The following ASB15 variants were observed in gnomAD, a reference collection of about 807,000 sequenced individuals.
The protein encoded by ASB15 is ankyrin repeat and SOCS box protein 15.
Under a neutral mutation model 58.0 loss-of-function variants are expected in ASB15, and 54 were observed. That is an observed-to-expected ratio of 0.93 (90% confidence interval 0.75 to 1.17). The LOEUF (loss-of-function observed/expected upper bound fraction) is 1.17. ASB15 is among the 50% of genes most tolerant of loss of function. The pLI, the probability that ASB15 is intolerant of heterozygous loss-of-function variation, is 0.00. For missense variants in ASB15, 680 were observed against 707.4 expected (o/e 0.96, Z 0.44); for synonymous variants, 249 against 262.4 (o/e 0.95, Z 0.50).
intron 8 of ASB15, among the ~76,000 whole-genome samples, chr7:123,625,873 C>G (rs1801737689): frequency 6.6e-6 from 1 of 152,082 alleles, no homozygotes; most frequent in Non-Finnish European, 1.5e-5. Context: ...TTGAGGTGTC[C>G]CAATACAACC....
At chr7:123,620,548 ATATATAT>A (rs1562933358) in intron 7 of ASB15, among the ~76,000 whole-genome samples, 4 of 19,666 alleles carry the variant, frequency 2.0e-4, no homozygotes, top group East Asian at 2.1e-3. Flanking sequence ...ATATATATAT[ATATATAT>A]TTTTTTTTTT....
At position 123,606,368 on chromosome 7, in the gene ASB15, G is replaced by T. The variant is rs558405412; in HGVS notation, c.-64+2156G>T. 2.5e-4 allele frequency among the ~76,000 whole-genome samples: 38 copies of T among 152,200 alleles called. No homozygotes were observed. In the South Asian group the frequency reaches 7.3e-3, roughly 29 times the overall value. On this transcript the variant is annotated intron_variant, in intron 2 of 11. Transcript: ENST00000451215. Reference sequence around the variant, plus strand: ...CTTCTCTCTTCTCGAGGTCACCAAGGTTCCTGGCCTGCTCAGTCCTAAGAG... The same window carrying T: ...CTTCTCTCTTCTCGAGGTCACCAAGTTTCCTGGCCTGCTCAGTCCTAAGAG...
In ASB15 at chr7:123,637,122, G is replaced by A; in HGVS notation, c.*141G>A. 4 of 547,156 alleles carry A rather than the reference G, an allele frequency of 7.3e-6. No individual in the cohort carries two copies. The highest frequency in any genetic ancestry group is 3.7e-5 in the Admixed American group (1 of 27,386). The allele number at this position is 547,156 out of a possible 1,614,324, so 33.9% of individuals were successfully genotyped here. On this transcript the variant is annotated 3_prime_UTR_variant, in exon 12 of 12. Coordinates refer to ENST00000451215, the MANE Select transcript of ASB15 (RefSeq NM_001290258.2). Reference sequence around the variant, plus strand: ...TTATAGGTTATCATGTGTTCTTATGGGAACACCATGATTTATGTCTTTAAA... The same window carrying A: ...TTATAGGTTATCATGTGTTCTTATGAGAACACCATGATTTATGTCTTTAAA...
At chr7:123,609,405 T>TAA (rs755959351) in intron 3 of ASB15, among the ~76,000 whole-genome samples, 8 of 152,114 alleles carry the variant, frequency 5.3e-5, no homozygotes, top group Non-Finnish European at 1.0e-4. Context: ...GATGGAACAA[T>TAA]AAGCCCTAAA....
chr7:123,574,243 A>G (rs1798999739), intron 1 of ASB15, among the ~76,000 whole-genome samples: 1 of 148,402 alleles, frequency 6.7e-6, no homozygotes, highest in African/African-American at 2.5e-5. Flanking sequence ...GCAACATTCT[A>G]CCCACTTCCA....
chr7:123,582,684 C>T (rs879670462), intron 1 of ASB15, among the ~76,000 whole-genome samples: 1 of 151,872 alleles, frequency 6.6e-6, no homozygotes, highest in African/African-American at 2.4e-5. Context: ...TCCTTCAAGT[C>T]TCAGCTCAAG....
chr7:123,574,971 G>A lies in ASB15; in HGVS notation c.-443+7883G>A, dbSNP rs967301783. Among the ~76,000 whole-genome samples, 7 of 151,622 alleles carry A rather than the reference G, an allele frequency of 4.6e-5. No individual in the cohort carries two copies. In the South Asian group the frequency reaches 1.0e-3, roughly 23 times the overall value. On this transcript the variant is annotated intron_variant, in intron 1 of 13. Transcript: ENST00000451558. ...AGGGGAGAAAAATATGGAGACAGAT[G>A]TAAGACTCCACCATGAATAAGTTAC... is the stretch of plus-strand genomic sequence containing the variant.
At chr7:123,627,003 G>A in intron 8 of ASB15, 107 bp from the exon 9 acceptor site, 1 of 1,197,484 alleles carries the variant, frequency 8.4e-7, no homozygotes, top group African/African-American at 1.5e-5. Context: ...CCAGTGCTGG[G>A]ATTACAGGTG....
At chr7:123,594,296 A>G (rs567175699) in intron 1 of ASB15, among the ~76,000 whole-genome samples, 1 of 152,146 alleles carries the variant, frequency 6.6e-6, no homozygotes, top group African/African-American at 2.4e-5. Flanking sequence ...CGTCAAACTC[A>G]TTCTCTGTCC....
intron 11 of ASB15, 57 bp from the exon 12 acceptor site, chr7:123,636,752 T>C: frequency 7.1e-7 from 1 of 1,414,922 alleles, no homozygotes; most frequent in East Asian, 2.3e-5. Flanking sequence ...AGTCATATCT[T>C]AGGGGCCAAT....
intron 7 of ASB15, among the ~76,000 whole-genome samples, chr7:123,620,520 A>G: frequency 1.0e-4 from 1 of 9,620 alleles, no homozygotes; most frequent in East Asian, 2.9e-3. Flanking sequence ...ATATATATAT[A>G]TATATATATA....
intron 1 of ASB15, among the ~76,000 whole-genome samples, chr7:123,603,498 C>A (rs1206523409): frequency 6.6e-6 from 1 of 152,144 alleles, no homozygotes; most frequent in Admixed American, 6.5e-5. Context: ...GTGGTGGTGT[C>A]TTTAAGAGGG....
chr7:123,596,110 A>G (rs1184370173), intron 1 of ASB15, among the ~76,000 whole-genome samples: 1 of 152,170 alleles, frequency 6.6e-6, no homozygotes, highest in Non-Finnish European at 1.5e-5. Flanking sequence ...TAAAACTAGC[A>G]TAAATCATCA....
intron 7 of ASB15, chr7:123,622,690 T>C (rs757937843): frequency 6.6e-6 from 1 of 152,202 alleles, no homozygotes; most frequent in Non-Finnish European, 1.5e-5. Context: ...AAAACTGCCA[T>C]CAGAGCAAGA....
upstream of ASB15, among the ~76,000 whole-genome samples, chr7:123,598,222 T>A (rs1799762171): frequency 1.3e-5 from 2 of 152,168 alleles, no homozygotes; most frequent in Non-Finnish European, 2.9e-5. Context: ...AGACTATAAG[T>A]CCTGTATCTG....
chr7:123,609,491 A>T (rs1351412955), intron 3 of ASB15, among the ~76,000 whole-genome samples: 1 of 152,198 alleles, frequency 6.6e-6, no homozygotes, highest in South Asian at 2.1e-4. Context: ...ATTTATAGAC[A>T]CAGAGCCCTT....
At chr7:123,567,052 C>T (rs1798783000) in exon 1 of ASB15, 1 of 152,262 alleles carries the variant, frequency 6.6e-6, no homozygotes, top group Admixed American at 6.5e-5. Flanking sequence ...TTGCTAAAGA[C>T]ACCAAAACTA....
At chr7:123,633,744 A>T (rs547457155) in intron 11 of ASB15, among the ~76,000 whole-genome samples, 50 of 152,280 alleles carry the variant, frequency 3.3e-4, no homozygotes, top group African/African-American at 1.0e-3. Flanking sequence ...GCCATTTCCT[A>T]ACAAAAGAAA....
chr7:123,599,635 A>G (rs1445970188), upstream of ASB15, among the ~76,000 whole-genome samples: 1 of 152,176 alleles, frequency 6.6e-6, no homozygotes, highest in African/African-American at 2.4e-5. Flanking sequence ...TCTTATTCCC[A>G]AAATAGAAAT....
Sources: allele counts gnomAD v4.1 joint callset (sites outside exome capture counted in the v4.1 genomes callset), GRCh38; gene constraint gnomAD v4.1.1; transcripts MANE v1.5; gene names NCBI Gene and HGNC (gene_info 2026-07-23, HGNC 2026-07-21).